The following VRTN variants were observed in gnomAD, a reference collection of about 807,000 sequenced individuals.
VRTN encodes vertebrae development associated.
A neutral mutation model predicts 18.2 loss-of-function variants in VRTN; 5 were observed. That is an observed-to-expected ratio of 0.27 (90% CI 0.14 to 0.58). The LOEUF (loss-of-function observed/expected upper bound fraction) is 0.58. Among genes scored for constraint, VRTN ranks in the 20% least tolerant of loss-of-function variants. The pLI is 0.91. For missense variants in VRTN, 741 were observed against 939.4 expected, an observed-to-expected ratio of 0.79 and a Z score of 2.76; for synonymous variants, 381 against 393.7, an observed-to-expected ratio of 0.97 and a Z score of 0.38.
chr14:74,356,733 A>G (rs1375756851), intron 1 of VRTN, 50 bp from the exon 2 acceptor site: 5 of 1,525,074 alleles, frequency 3.3e-6, no homozygotes, highest in Non-Finnish European at 4.4e-6. Flanking sequence ...GCTAGTCATC[A>G]TCTGGGCACT....
intron 1 of VRTN, among the ~76,000 whole-genome samples, chr14:74,313,622 A>G (rs1435375373): frequency 1.3e-5 from 2 of 152,184 alleles, no homozygotes; most frequent in Non-Finnish European, 2.9e-5. Flanking sequence ...ATCTGAAACC[A>G]TCTTGGCCTC....
At chr14:74,344,750 A>AACAAAAAAGG (rs2085632485), upstream of VRTN, among the ~76,000 whole-genome samples, 9 of 128,058 alleles carry the variant, frequency 7.0e-5, no homozygotes, top group Admixed American at 2.4e-4. Context: ...AAAAAAAATG[A>AACAAAAAAGG]AAAAAAGAAA....
rs1001397162 is a variant in VRTN, at chr14:74,311,037, C to T, written c.-164+7861C>T. ...ATGAGGGTAATAATAGTTTCCACAT[C>T]AGAGGGTTGTTTCGAGGAATAAACA... On this transcript the variant is annotated intron_variant, in intron 1 of 2. Coordinates refer to the VRTN transcript ENST00000557177. Among the ~76,000 whole-genome samples, 14 of 152,178 alleles carry T rather than the reference C, an allele frequency of 9.2e-5. No homozygotes were observed. The East Asian group carries it at 2.7e-3, about 29-fold the overall frequency.
chr14:74,311,798 C>T (rs149513370), intron 1 of VRTN, among the ~76,000 whole-genome samples: 2,216 of 145,868 alleles, frequency 0.015, 53 homozygotes, highest in African/African-American at 0.053. Context: ...GATGGAGTTT[C>T]GCTCTTGTCA....
At chr14:74,330,881 A>C (rs1447243727) in intron 1 of VRTN, among the ~76,000 whole-genome samples, 1 of 151,748 alleles carries the variant, frequency 6.6e-6, no homozygotes, top group African/African-American at 2.4e-5. Context: ...CCACCTCCTC[A>C]TTGGCAAAAC....
chr14:74,355,037 G>A (rs1018221625), intron 1 of VRTN, among the ~76,000 whole-genome samples: 5 of 151,584 alleles, frequency 3.3e-5, no homozygotes, highest in African/African-American at 1.2e-4. Context: ...AGCTACTCGG[G>A]TGGCTGAGGC....
intron 1 of VRTN, among the ~76,000 whole-genome samples, chr14:74,336,534 G>T (rs957904291): frequency 6.6e-6 from 1 of 151,960 alleles, no homozygotes; most frequent in Non-Finnish European, 1.5e-5. Flanking sequence ...ATACATAATA[G>T]ATAGATTTTT....
At chr14:74,333,707 G>A (rs147215904) in intron 1 of VRTN, among the ~76,000 whole-genome samples, 54 of 151,532 alleles carry the variant, frequency 3.6e-4, no homozygotes, top group African/African-American at 1.3e-3. Context: ...AGGCATGGTG[G>A]CGCATGCCTG....
chr14:74,328,066 C>T (rs1310598585), intron 1 of VRTN, among the ~76,000 whole-genome samples: 2 of 152,064 alleles, frequency 1.3e-5, no homozygotes, highest in Non-Finnish European at 2.9e-5. Context: ...GAAGGAAAGG[C>T]GTGAGCCACC....
intron 2 of VRTN, among the ~76,000 whole-genome samples, chr14:74,338,663 T>C (rs2085581104): frequency 6.6e-6 from 1 of 152,208 alleles, no homozygotes; most frequent in Non-Finnish European, 1.5e-5. Context: ...CTAGTGATCC[T>C]CCTGCTTCAG....
At position 74,341,666 on chromosome 14, in the gene VRTN, C is replaced by T. The variant is rs140091740; in HGVS notation, c.-2+3782C>T. ...CCAGAGTAGCTGGGATTACAGGCGC[C>T]CAGCACCATGCCCAGCTAGTTTTTG... On this transcript the variant is annotated intron_variant, in intron 2 of 2. Transcript: ENST00000557177. Among the ~76,000 whole-genome samples, 199 of 152,172 alleles carry T rather than the reference C, an allele frequency of 1.3e-3. 1 individual carries two copies. The highest frequency in any genetic ancestry group is 2.4e-3 in the Non-Finnish European group (160 of 67,992).
upstream of VRTN, among the ~76,000 whole-genome samples, chr14:74,343,969 T>G (rs183641068): frequency 3.9e-3 from 589 of 151,506 alleles, 3 homozygotes; most frequent in Non-Finnish European, 6.6e-3. Flanking sequence ...CTTATTTTTT[T>G]GTATTTTTGT....
At chr14:74,329,108 T>TAA (rs879651021) in intron 1 of VRTN, among the ~76,000 whole-genome samples, 1 of 148,108 alleles carries the variant, frequency 6.8e-6, no homozygotes. Flanking sequence ...CTGTCTCTAC[T>TAA]AAAAAAAAAA....
upstream of VRTN, among the ~76,000 whole-genome samples, chr14:74,344,442 T>C (rs973479739): frequency 8.2e-6 from 1 of 121,682 alleles, no homozygotes; most frequent in Non-Finnish European, 1.7e-5. Flanking sequence ...CACTGGAAAA[T>C]GTAAAAGTGG....
intron 2 of VRTN, among the ~76,000 whole-genome samples, chr14:74,340,434 C>T (rs138686702): frequency 8.9e-4 from 135 of 151,098 alleles, no homozygotes; most frequent in African/African-American, 3.0e-3. Flanking sequence ...TTAGTAGACA[C>T]GGGGTTTCAC....
intron 1 of VRTN, among the ~76,000 whole-genome samples, chr14:74,308,604 T>C (rs1389784226): frequency 6.6e-6 from 1 of 150,924 alleles, no homozygotes; most frequent in Non-Finnish European, 1.5e-5. Context: ...AACCTCTGCC[T>C]CCCGGGTTCA....
At chr14:74,322,494 A>G (rs1405312251) in intron 1 of VRTN, among the ~76,000 whole-genome samples, 1 of 152,106 alleles carries the variant, frequency 6.6e-6, no homozygotes, top group East Asian at 1.9e-4. Flanking sequence ...ACTGTCTAAA[A>G]TTTATATCTA....
chr14:74,338,725 T>G (rs2085581498), intron 2 of VRTN, among the ~76,000 whole-genome samples: 1 of 151,146 alleles, frequency 6.6e-6, no homozygotes, highest in Non-Finnish European at 1.5e-5. Context: ...CAGCTAACTA[T>G]TTTTATTTTT....
intron 1 of VRTN, among the ~76,000 whole-genome samples, chr14:74,353,377 CACCTGTAA>C (rs576319024): frequency 3.9e-5 from 6 of 152,306 alleles, no homozygotes; most frequent in Non-Finnish European, 7.3e-5. Context: ...TCAGTTTCCT[CACCTGTAA>C]ATTGGGGATA....
Sources: allele counts gnomAD v4.1 joint callset (sites outside exome capture counted in the v4.1 genomes callset), GRCh38; gene constraint gnomAD v4.1.1; transcripts MANE v1.5; gene names NCBI Gene and HGNC (gene_info 2026-07-23, HGNC 2026-07-21).